ABL2: variants seen among roughly 807,000 people sequenced by gnomAD.
ABL2 encodes the protein tyrosine-protein kinase ABL2.
ABL2 carries 49 observed loss-of-function variants against 107.7 expected under a neutral mutation model. That is an observed-to-expected ratio of 0.45 (90% confidence interval 0.36 to 0.58). The LOEUF is 0.58. ABL2 is among the 20% of genes least tolerant of loss of function. The pLI is 0.00. For synonymous variants in ABL2, 549 were observed against 548.6 expected (o/e 1.00, Z -0.01); for missense variants, 1,245 against 1,457.0 (o/e 0.85, Z 2.37).
chr1:179,142,930 T>C (rs763314891), intron 1 of ABL2: 28 of 1,613,902 alleles, frequency 1.7e-5, no homozygotes, highest in Non-Finnish European at 2.3e-5. Flanking sequence ...CTCTGAACCA[T>C]ACCTGTTAAG....
intron 9 of ABL2, among the ~76,000 whole-genome samples, chr1:179,114,097 A>G (rs1654376480): frequency 6.6e-6 from 1 of 151,116 alleles, no homozygotes; most frequent in Non-Finnish European, 1.5e-5. Context: ...TCTACCAAAA[A>G]TACAAAAATT....
rs1572595906 is a variant in ABL2, at chr1:179,106,812, T to C, written c.*906A>G. 1.3e-5 allele frequency: 3 copies of C among 231,480 alleles called. No individual in the cohort carries two copies. The East Asian group carries it at 1.8e-4, about 14-fold the overall frequency. The allele number at this position is 231,480 out of a possible 1,614,324, so 14.3% of individuals were successfully genotyped here. On this transcript the variant is annotated 3_prime_UTR_variant, in exon 12 of 12. Transcript: ENST00000502732. ...TGTATCAGAACAGGATTCATTCCTT[T>C]GTGAGAACCTGTAGGGACTACTATT... is the stretch of plus-strand genomic sequence containing the variant.
chr1:179,115,681 G>C (rs544576426), intron 8 of ABL2, among the ~76,000 whole-genome samples: 7 of 152,242 alleles, frequency 4.6e-5, no homozygotes, highest in African/African-American at 7.2e-5. Context: ...GCATCCAAGG[G>C]GGGGGTCTTA....
intron 1 of ABL2, among the ~76,000 whole-genome samples, chr1:179,218,665 T>G (rs944264828): frequency 2.0e-5 from 3 of 152,228 alleles, no homozygotes; most frequent in African/African-American, 7.2e-5. Flanking sequence ...CCCAAAGCAC[T>G]AGGATTACAG....
rs1653186992 is a variant in ABL2, at chr1:179,102,598, G to C, written c.*5120C>G. 4.4e-6 allele frequency: 1 copy of C among 228,056 alleles called. No individual in the cohort carries two copies. The highest frequency in any genetic ancestry group is 5.7e-5 in the Admixed American group (1 of 17,598). 14.1% of individuals were successfully genotyped at this position (228,056 alleles called of 1,614,324 possible). On this transcript the variant is annotated 3_prime_UTR_variant, in exon 12 of 12. Transcript: ENST00000502732. ...ACAGAGATGAACCCCAAATCCAGGT[G>C]GAACAATTTAATGCAAGATGATGAA...
At chr1:179,229,059 A>C (rs963573014) in intron 1 of ABL2, among the ~76,000 whole-genome samples, 182 bp downstream of exon 1, 5 of 151,844 alleles carry the variant, frequency 3.3e-5, no homozygotes, top group African/African-American at 1.2e-4. Context: ...CAGGCTAGAG[A>C]CGCGAGGGGG....
rs764423814 is a variant in ABL2 at position 179,108,833 on chromosome 1, G to A, written c.2434C>T (p.Leu812=). The part of the protein sequence containing the change: ...PRNCQRSKLQ[L]ERTVSTSSQP... The stretch of plus-strand genomic sequence containing the variant: ...GAAGAGGTGGACACTGTCCTTTCCA[G>A]CTGGAGTTTGGACCTCTGGCAGTTC... Residue 812 remains leucine, a synonymous_variant, in exon 12 of 12, where the codon CTG becomes TTG. Transcript: ENST00000502732. 6 of 1,614,014 alleles carry A rather than the reference G, an allele frequency of 3.7e-6. No homozygotes were observed. In the Admixed American group the frequency reaches 5.0e-5, roughly 13 times the overall value.
chr1:179,224,319 T>C (rs1663074657), intron 1 of ABL2, among the ~76,000 whole-genome samples: 1 of 151,960 alleles, frequency 6.6e-6, no homozygotes, highest in Non-Finnish European at 1.5e-5. Flanking sequence ...CAGGCTGGAG[T>C]GCAGGTGCGC....
chr1:179,174,409 G>A (rs777812124), intron 1 of ABL2, among the ~76,000 whole-genome samples: 2 of 151,506 alleles, frequency 1.3e-5, no homozygotes, highest in Non-Finnish European at 2.9e-5. Context: ...GGGAGTTCGA[G>A]ACCAGCCTGA....
chr1:179,167,666 A>C (rs957033456), intron 1 of ABL2, among the ~76,000 whole-genome samples: 2 of 152,256 alleles, frequency 1.3e-5, no homozygotes, highest in African/African-American at 4.8e-5. Flanking sequence ...CATGTAACAA[A>C]TAATCACATA....
intron 9 of ABL2, among the ~76,000 whole-genome samples, chr1:179,113,885 G>C (rs1362854874): frequency 6.6e-6 from 1 of 151,668 alleles, no homozygotes; most frequent in Non-Finnish European, 1.5e-5. Flanking sequence ...AGTGAGCCGA[G>C]ATCGCGCCAC....
intron 1 of ABL2, among the ~76,000 whole-genome samples, chr1:179,204,725 T>C (rs972921453): frequency 6.6e-6 from 1 of 151,978 alleles, no homozygotes; most frequent in Non-Finnish European, 1.5e-5. Context: ...CCAGCCTGGG[T>C]GACAGAGCAA....
At chr1:179,141,007 T>G (rs981924041) in intron 1 of ABL2, among the ~76,000 whole-genome samples, 5 of 150,276 alleles carry the variant, frequency 3.3e-5, no homozygotes, top group East Asian at 2.0e-4. Flanking sequence ...TCCCAACTAC[T>G]CGGGAGGCTG....
Position 179,229,425 on chromosome 1 carries a change from C to T in ABL2, c.-28G>A. On this transcript the variant is annotated 5_prime_UTR_variant, in exon 1 of 12. Transcript: ENST00000502732. Reference sequence around the variant, plus strand: ...CTGCTCTCGCGTACTCCCGCGCCCCCGCCGACCCCTGGTCACATTCCTCCT... The same window carrying T: ...CTGCTCTCGCGTACTCCCGCGCCCCTGCCGACCCCTGGTCACATTCCTCCT... The T allele has an allele frequency of 6.7e-7, 1 of 1,484,754 alleles. No homozygotes were observed. The highest frequency in any genetic ancestry group is 8.9e-7 in the Non-Finnish European group (1 of 1,128,874). 92.0% of individuals were successfully genotyped at this position (1,484,754 alleles called of 1,614,324 possible).
intron 1 of ABL2, among the ~76,000 whole-genome samples, chr1:179,168,556 G>A (rs1659527427): frequency 6.6e-6 from 1 of 152,254 alleles, no homozygotes; most frequent in African/African-American, 2.4e-5. Flanking sequence ...TAGTGAAAAA[G>A]GTTTTAGATG....
At chr1:179,185,611 C>T (rs1660640335) in intron 1 of ABL2, among the ~76,000 whole-genome samples, 2 of 151,960 alleles carry the variant, frequency 1.3e-5, no homozygotes, top group Admixed American at 1.3e-4. Context: ...TTCCATGACC[C>T]AAAGTGTGGT....
chr1:179,124,190 G>A lies in ABL2; in HGVS notation c.687+2187C>T, dbSNP rs149101976. On this transcript the variant is annotated intron_variant, in intron 4 of 11. Transcript: ENST00000502732. ...TGGGAGGCGGAACTTGCAGTAAGCC[G>A]AGATCGCGCCACTGCACTCCAGCCG... Among the ~76,000 whole-genome samples the A allele has an allele frequency of 5.6e-3, 844 of 151,202 alleles. 9 individuals carry two copies. The highest frequency in any genetic ancestry group is 0.019 in the African/African-American group (789 of 41,194).
chr1:179,224,852 CA>C (rs34472235), intron 1 of ABL2, among the ~76,000 whole-genome samples: 12,399 of 64,904 alleles, frequency 0.19, 494 homozygotes, highest in Middle Eastern at 0.23. Flanking sequence ...TCCGTCTCTA[CA>C]AAAAAAAAAA....
intron 1 of ABL2, 74 bp downstream of exon 1, chr1:179,229,167 T>TGCCCCCCCCCCCCCCCCCCCCCCCC: frequency 7.5e-6 from 3 of 402,572 alleles, no homozygotes; most frequent in Non-Finnish European, 4.6e-6. Flanking sequence ...GGGCAGCCCG[T>TGCCCCCCCCCCCCCCCCCCCCCCCC]CCGCCACCCA....
Sources: gnomAD v4.1 joint callset for allele counts (sites outside exome capture counted in the v4.1 genomes callset) on GRCh38, gnomAD v4.1.1 for gene constraint, MANE v1.5 for transcripts, NCBI Gene and HGNC (gene_info 2026-07-23, HGNC 2026-07-21) for gene names.